Variants in TRIM34 observed in about 807,000 individuals in gnomAD.
TRIM34 encodes the protein tripartite motif containing 34.
Under a neutral mutation model 38.1 loss-of-function variants are expected in TRIM34, and 41 were observed. The ratio of observed to expected loss-of-function variants is 1.08; its 90% confidence interval spans 0.84 to 1.40. TRIM34 has a LOEUF of 1.40. Among genes scored for constraint, TRIM34 ranks in the 40% most tolerant of loss-of-function variants. The pLI is 0.00. For synonymous variants in TRIM34, 200 were observed against 202.5 expected, an observed-to-expected ratio of 0.99 and a Z score of 0.10; for missense variants, 556 against 571.4, an observed-to-expected ratio of 0.97 and a Z score of 0.27.
chr11:5,636,205 GAATT>G (rs1849728411), intron 4 of TRIM34, among the ~76,000 whole-genome samples: 1 of 152,138 alleles, frequency 6.6e-6, no homozygotes, highest in South Asian at 2.1e-4. Context: ...GAAAAATAAT[GAATT>G]AATAATACAT....
rs775541182 is a variant in TRIM34 at position 5,634,724 on chromosome 11, T to G, written c.613T>G (p.Leu205Val). Residue 205 changes from leucine to valine, a missense_variant, in exon 4 of 8, where the codon TTG becomes GTG. Transcript: ENST00000429814. ...NNEEQRELQR[L>V]EEEEKKTLDK... Reference sequence around the variant, plus strand: ...TGAGGAGCAGAGAGAGCTGCAAAGATTGGAAGAAGAAGAAAAGAAGACGCT... The same window carrying G: ...TGAGGAGCAGAGAGAGCTGCAAAGAGTGGAAGAAGAAGAAAAGAAGACGCT... 6.2e-7 allele frequency: 1 copy of G among 1,613,938 alleles called. No homozygotes were observed.
chr11:5,624,123 T>G (rs1019583098), upstream of TRIM34, among the ~76,000 whole-genome samples: 7 of 152,192 alleles, frequency 4.6e-5, no homozygotes, highest in Admixed American at 1.3e-4. Context: ...GTTACCTCAG[T>G]TTCAAAGCAG....
At chr11:5,630,900 G>A (rs149702346) in intron 1 of TRIM34, among the ~76,000 whole-genome samples, 60 of 152,116 alleles carry the variant, frequency 3.9e-4, no homozygotes, top group African/African-American at 1.3e-3. Context: ...TTTTAATCAC[G>A]GAAGATAATA....
In TRIM34 at chr11:5,634,650, G is replaced by C; in HGVS notation, c.539G>C (p.Arg180Thr). 3 of 1,613,286 alleles carry C rather than the reference G, an allele frequency of 1.9e-6. No individual in the cohort carries two copies. The highest frequency in any genetic ancestry group is 2.5e-6 in the Non-Finnish European group (3 of 1,179,686). The part of the protein sequence containing the change: ...TSWKYQVQTE[R>T]QRIQTEFDQL... ...TTGCAGTATCAGGTACAAACTGAGAGACAAAGGATACAAACAGAATTTGAT... is the reference window on the plus strand; with the variant it reads ...TTGCAGTATCAGGTACAAACTGAGACACAAAGGATACAAACAGAATTTGAT... The change falls in exon 4 of 8, where the codon AGA becomes ACA. Residue 180 changes from arginine to threonine, a missense_variant. Transcript: ENST00000429814.
chr11:5,636,457 A>T (rs778768404), intron 4 of TRIM34, among the ~76,000 whole-genome samples: 1 of 152,232 alleles, frequency 6.6e-6, no homozygotes, highest in African/African-American at 2.4e-5. Flanking sequence ...GTTGCACTAC[A>T]TCGTGAATAT....
chr11:5,628,806 A>ATT (rs71053285), intron 1 of TRIM34, among the ~76,000 whole-genome samples: 81,226 of 149,344 alleles, frequency 0.54, 24,592 homozygotes, highest in Non-Finnish European at 0.7. Flanking sequence ...GGCAAAGTTG[A>ATT]TTTTTTTTTT....
At position 5,625,403 on chromosome 11, in the gene TRIM34, A is replaced by C. The variant is rs1412072696; in HGVS notation, c.-78+343A>C. Among the ~76,000 whole-genome samples, 4 of 152,140 alleles carry C rather than the reference A, an allele frequency of 2.6e-5. No individual in the cohort carries two copies. In the East Asian group the frequency reaches 7.7e-4, roughly 29 times the overall value. On this transcript the variant is annotated intron_variant, in intron 1 of 7. Transcript: ENST00000429814. ...CTCTCTCTCTCTTTCTCTCTCTCAA[A>C]GAGATGAACAGAAGATCTCTTATTT... is the stretch of plus-strand genomic sequence containing the variant.
chr11:5,626,423 T>G (rs1323017330), intron 1 of TRIM34, among the ~76,000 whole-genome samples: 1 of 152,232 alleles, frequency 6.6e-6, no homozygotes, highest in East Asian at 1.9e-4. Context: ...CTTGCAACTT[T>G]AAATAGTTTT....
chr11:5,634,286 C>A (rs1375893334), intron 3 of TRIM34, among the ~76,000 whole-genome samples: 1 of 151,714 alleles, frequency 6.6e-6, no homozygotes, highest in African/African-American at 2.4e-5. Flanking sequence ...AGAAGCTAAG[C>A]CTTATGTTTT....
At chr11:5,629,673 G>A (rs191527117) in intron 1 of TRIM34, among the ~76,000 whole-genome samples, 218 of 152,282 alleles carry the variant, frequency 1.4e-3, no homozygotes, top group African/African-American at 5.1e-3. Flanking sequence ...ATGCAGACAG[G>A]GCCGCTTCAG....
In TRIM34 at chr11:5,643,235, T is replaced by C. The variant is rs1376349375; in HGVS notation, c.993T>C (p.Phe331=). The C allele has an allele frequency of 3.7e-6, 6 of 1,613,804 alleles. No individual in the cohort carries two copies. The African/African-American group carries it at 8.0e-5, about 22-fold the overall frequency. ...TGATATCTGTGCCAATTTGGCCTTT[T>C]CAGTGTTATAATTATGGTGTCTTGG... ...RQVISVPIWP[F]QCYNYGVLGS... Residue 331 remains phenylalanine (F), a synonymous_variant, in exon 8 of 8, where the codon TTT becomes TTC. Coordinates refer to ENST00000429814, the MANE Select transcript of TRIM34 (RefSeq NM_021616.6).
chr11:5,635,508 G>A lies in TRIM34; in HGVS notation c.750+647G>A, dbSNP rs969213506. Among the ~76,000 whole-genome samples the A allele has an allele frequency of 5.9e-5, 9 of 151,958 alleles. No homozygotes were observed. In the East Asian group the frequency reaches 1.2e-3, roughly 20 times the overall value. On this transcript the variant is annotated intron_variant, in intron 4 of 7. Transcript: ENST00000429814. ...CCTGACCTCGTGGTCCGCCTGCCTC[G>A]GCCTTCCAAAATGCTGGGATTACAG...
chr11:5,625,922 CAGAAG>C (rs1334836587), intron 1 of TRIM34, among the ~76,000 whole-genome samples: 7 of 152,234 alleles, frequency 4.6e-5, no homozygotes, highest in African/African-American at 1.4e-4. Context: ...ATTGTGGGCT[CAGAAG>C]GAGCCCACGG....
In TRIM34 at chr11:5,632,733, G is replaced by A. The variant is rs7947616; in HGVS notation, c.402G>A (p.Glu134=). Residue 134 remains glutamate (E), a synonymous_variant, in exon 2 of 8, where the codon GAG becomes GAA. Transcript: ENST00000429814. ...EHRGHHTVLT[E]EVFKECQEKL... The stretch of plus-strand genomic sequence containing the variant: ...GTGGTCACCACACAGTCCTCACGGA[G>A]GAAGTATTCAAGGAATGTCAGGTAG... 1,955 of 1,606,672 alleles carry A rather than the reference G, an allele frequency of 1.2e-3. 20 individuals are homozygous for A. In the African/African-American group the frequency reaches 0.022, roughly 18 times the overall value.
chr11:5,644,298 T>G lies in TRIM34; in HGVS notation c.*589T>G, dbSNP rs1850143814. 2.5e-6 allele frequency: 1 copy of G among 398,692 alleles called. No individual in the cohort carries two copies. The highest frequency in any genetic ancestry group is 2.1e-5 in the African/African-American group (1 of 48,648). 24.7% of individuals were successfully genotyped at this position (398,692 alleles called of 1,614,324 possible). A position where few individuals can be genotyped will look rare whatever the true frequency, so the allele number is the denominator to read the frequency against. Reference sequence around the variant, plus strand: ...ATAAATTGGGATTTAAGACTGTACCTAACTATTAAGATCACTGTGTAAAAC... The same window carrying G: ...ATAAATTGGGATTTAAGACTGTACCGAACTATTAAGATCACTGTGTAAAAC... On this transcript the variant is annotated 3_prime_UTR_variant, in exon 8 of 8. Transcript: ENST00000429814.
At chr11:5,625,715 G>GGTC (rs10654002) in intron 1 of TRIM34, among the ~76,000 whole-genome samples, 63,360 of 151,786 alleles carry the variant, frequency 0.42, 13,740 homozygotes, top group African/African-American at 0.54. Flanking sequence ...TCTTTCTGCA[G>GGTC]GTCTCAGGGC....
chr11:5,626,341 G>T (rs559464609), intron 1 of TRIM34, among the ~76,000 whole-genome samples: 18 of 152,308 alleles, frequency 1.2e-4, no homozygotes, highest in South Asian at 8.3e-4. Context: ...ACAAGAAGAT[G>T]ACTAATACTA....
chr11:5,626,693 A>T (rs1849252841), intron 1 of TRIM34: 1 of 152,060 alleles, frequency 6.6e-6, no homozygotes, highest in South Asian at 2.1e-4. Flanking sequence ...CAGCCTGGCC[A>T]ATGTGGTGAA....
chr11:5,636,822 G>C (rs1849753718), intron 4 of TRIM34, among the ~76,000 whole-genome samples: 1 of 152,166 alleles, frequency 6.6e-6, no homozygotes, highest in South Asian at 2.1e-4. Flanking sequence ...TCTGAGTAGG[G>C]ACTTTGGCTA....
Sources: gnomAD v4.1 joint callset for allele counts (sites outside exome capture counted in the v4.1 genomes callset) on GRCh38, gnomAD v4.1.1 for gene constraint, MANE v1.5 for transcripts, NCBI Gene and HGNC (gene_info 2026-07-23, HGNC 2026-07-21) for gene names.